FGF14: variants seen among roughly 807,000 people sequenced by gnomAD.
FGF14 encodes the protein fibroblast growth factor homologous factor 4.
Under a neutral mutation model 25.5 loss-of-function variants are expected in FGF14, and 5 were observed. The observed-to-expected ratio is 0.20, with a 90% CI of 0.10 to 0.41. FGF14 has a LOEUF of 0.41. Among genes scored for constraint, FGF14 ranks in the 10% least tolerant of loss-of-function variants. The pLI is 1.00. For missense variants in FGF14, 222 were observed against 320.1 expected (o/e 0.69, Z 2.34); for synonymous variants, 138 against 118.3 (o/e 1.17, Z -1.08).
chr13:101,960,024 G>A (rs896444332), intron 1 of FGF14, among the ~76,000 whole-genome samples: 10 of 152,242 alleles, frequency 6.6e-5, no homozygotes, highest in South Asian at 6.2e-4. Context: ...TTATAGTAAC[G>A]AACATATTTA....
chr13:102,219,862 C>T lies in FGF14; in HGVS notation c.208+181609G>A, dbSNP rs569172101. On this transcript the variant is annotated intron_variant, in intron 1 of 4. Transcript: ENST00000376131. ...GGGACATTACTTGTATTTTATAGTG[C>T]GGTTATGGTTGAATTTAATCTTGTT... Among the ~76,000 whole-genome samples, 12 of 152,144 alleles carry T rather than the reference C, an allele frequency of 7.9e-5. 2 individuals carry two copies. Among genetic ancestry groups the T allele is most frequent in the East Asian group, 3.9e-4 (2 of 5,178 alleles).
intron 1 of FGF14, among the ~76,000 whole-genome samples, chr13:102,161,639 A>AGAAGAAGAAGAAGAAGAAGAG (rs2047722482): frequency 9.5e-5 from 1 of 10,476 alleles, no homozygotes; most frequent in Non-Finnish European, 1.6e-4. Flanking sequence ...AAGAAGAAGA[A>AGAAGAAGAAGAAGAAGAAGAG]GAAGAAGAAG....
intron 1 of FGF14, among the ~76,000 whole-genome samples, chr13:102,275,234 T>TTCTCTCTCTCTCTCTCCCTC (rs2053457008): frequency 3.0e-5 from 2 of 67,448 alleles, no homozygotes; most frequent in Non-Finnish European, 6.1e-5. Context: ...TTAGGCAGAT[T>TTCTCTCTCTCTCTCTCCCTC]TCTCTCTCTC....
At chr13:101,997,986 C>A (rs942901675) in intron 1 of FGF14, among the ~76,000 whole-genome samples, 1 of 151,936 alleles carries the variant, frequency 6.6e-6, no homozygotes, top group Non-Finnish European at 1.5e-5. Context: ...ATCATCACAC[C>A]CCTTTGTGTG....
rs16959647 is a variant in FGF14 at position 102,034,245 on chromosome 13, C to T, written c.209-158949G>A. Among the ~76,000 whole-genome samples the T allele has an allele frequency of 1.1e-4, 16 of 152,154 alleles. No homozygotes were observed. In the South Asian group the frequency reaches 1.2e-3, roughly 12 times the overall value. ...GAGAGAGAGCTGACTCAATGGAGCA[C>T]GACAAGTCATCACATTACAAGTCAG... On this transcript the variant is annotated intron_variant, in intron 1 of 4. Coordinates refer to the FGF14 transcript ENST00000376131.
At chr13:102,324,745 T>G (rs1472259261) in intron 1 of FGF14, among the ~76,000 whole-genome samples, 3 of 152,238 alleles carry the variant, frequency 2.0e-5, no homozygotes, top group African/African-American at 7.2e-5. Flanking sequence ...TAAGATAAGA[T>G]GTCTGGCCCA....
At chr13:102,287,655 C>G (rs946717190) in intron 1 of FGF14, among the ~76,000 whole-genome samples, 4 of 152,142 alleles carry the variant, frequency 2.6e-5, no homozygotes, top group African/African-American at 9.7e-5. Context: ...TGTTTTTAAT[C>G]TGAAAGGCTG....
At chr13:101,887,479 G>T (rs916351721) in intron 1 of FGF14, among the ~76,000 whole-genome samples, 1 of 152,004 alleles carries the variant, frequency 6.6e-6, no homozygotes, top group Non-Finnish European at 1.5e-5. Flanking sequence ...AGGACCTTAT[G>T]TTAAGTGAAA....
intron 1 of FGF14, among the ~76,000 whole-genome samples, chr13:102,297,510 G>A (rs2054783448): frequency 6.6e-6 from 1 of 152,110 alleles, no homozygotes; most frequent in Admixed American, 6.6e-5. Context: ...GTAAGAGGAA[G>A]CTGGGTGTGG....
At position 101,727,518 on chromosome 13, in the gene FGF14, C is replaced by T. The variant is rs1234271617; in HGVS notation, c.409-708G>A. On this transcript the variant is annotated intron_variant, in intron 3 of 4. Coordinates refer to ENST00000376143, the MANE Select transcript of FGF14 (RefSeq NM_004115.4). ...CCACACAGCATTTTTGGAAAGCATA[C>T]AGTTTGTTAAATACTATTATGCTCA... is the stretch of plus-strand genomic sequence containing the variant. 2.0e-5 allele frequency among the ~76,000 whole-genome samples: 3 copies of T among 152,118 alleles called. No homozygotes were observed. In the East Asian group the frequency reaches 5.8e-4, roughly 29 times the overall value.
intron 1 of FGF14, among the ~76,000 whole-genome samples, chr13:102,264,425 G>T (rs990922460): frequency 6.6e-6 from 1 of 152,146 alleles, no homozygotes; most frequent in Non-Finnish European, 1.5e-5. Flanking sequence ...GACCACTTCA[G>T]CTGATTGAGT....
At chr13:102,317,363 GA>G (rs926902847) in intron 1 of FGF14, among the ~76,000 whole-genome samples, 10 of 149,168 alleles carry the variant, frequency 6.7e-5, no homozygotes, top group African/African-American at 1.7e-4. Flanking sequence ...ATAAGTATTA[GA>G]AAAAAAAAGA....
chr13:102,120,282 A>G (rs2045658234), intron 1 of FGF14, among the ~76,000 whole-genome samples: 2 of 152,244 alleles, frequency 1.3e-5, no homozygotes, highest in African/African-American at 2.4e-5. Context: ...AAACAACTCA[A>G]TGAAAAGACC....
At chr13:102,139,633 G>A (rs1206696743) in intron 1 of FGF14, among the ~76,000 whole-genome samples, 3 of 152,130 alleles carry the variant, frequency 2.0e-5, no homozygotes, top group Non-Finnish European at 4.4e-5. Flanking sequence ...GCTAGTTAAG[G>A]ATGGAAGGAG....
chr13:102,012,970 A>G lies in FGF14; in HGVS notation c.209-137674T>C, dbSNP rs543750954. ...ATGACTGCTAATGGGGTGATGAATT[A>G]CCCATTCAAAGCATCTCCTCACCAA... is the stretch of plus-strand genomic sequence containing the variant. On this transcript the variant is annotated intron_variant, in intron 1 of 4. Transcript: ENST00000376131. Among the ~76,000 whole-genome samples, 5 of 152,270 alleles carry G rather than the reference A, an allele frequency of 3.3e-5. No homozygotes were observed. The East Asian group carries it at 5.8e-4, about 18-fold the overall frequency.
At chr13:102,366,645 G>A (rs1005782444) in intron 1 of FGF14, 1 of 139,146 alleles carries the variant, frequency 7.2e-6, no homozygotes, top group African/African-American at 2.7e-5. Context: ...AAAAAAAAGC[G>A]GTTACTTCTA....
intron 1 of FGF14, among the ~76,000 whole-genome samples, chr13:102,122,038 T>C (rs987164248): frequency 1.3e-5 from 2 of 152,212 alleles, no homozygotes; most frequent in African/African-American, 4.8e-5. Flanking sequence ...TGAAATATTG[T>C]TTGTGATTAC....
chr13:102,057,000 A>T (rs948313175), intron 1 of FGF14, among the ~76,000 whole-genome samples: 1 of 151,710 alleles, frequency 6.6e-6, no homozygotes, highest in Non-Finnish European at 1.5e-5. Flanking sequence ...AATTTTATAC[A>T]ATTTGAATCC....
intron 1 of FGF14, among the ~76,000 whole-genome samples, chr13:102,370,860 C>T (rs1169024768): frequency 2.6e-5 from 4 of 151,674 alleles, no homozygotes; most frequent in Admixed American, 6.6e-5. Context: ...GACCTTAAGG[C>T]CTTAAGGAAA....
Sources: gnomAD v4.1 joint callset for allele counts (sites outside exome capture counted in the v4.1 genomes callset) on GRCh38, gnomAD v4.1.1 for gene constraint, MANE v1.5 for transcripts, NCBI Gene and HGNC (gene_info 2026-07-23, HGNC 2026-07-21) for gene names.